GABRG3: variants seen among roughly 807,000 people sequenced by gnomAD.
The protein encoded by GABRG3 is gamma-aminobutyric acid type A receptor subunit gamma3.
GABRG3 carries 25 observed loss-of-function variants against 48.8 expected under a neutral mutation model. That is an observed-to-expected ratio of 0.51 (90% CI 0.37 to 0.72). The LOEUF (loss-of-function observed/expected upper bound fraction) is 0.72. GABRG3 is among the 30% of genes least tolerant of loss of function. The probability of loss-of-function intolerance (pLI) is 0.00; values close to 1 mark genes in which losing one functional copy is unlikely to be tolerated. For synonymous variants in GABRG3, 227 were observed against 217.6 expected, an observed-to-expected ratio of 1.04 and a Z score of -0.38; for missense variants, 394 against 577.9, an observed-to-expected ratio of 0.68 and a Z score of 3.26.
rs60880658 is a variant in GABRG3 at position 27,285,254 on chromosome 15, GGTGTGTGTGTGTGTGT to G, written c.271-41522_271-41507del. Among the ~76,000 whole-genome samples the G allele has an allele frequency of 4.0e-3, 568 of 142,556 alleles. 7 individuals are homozygous for G. The highest frequency in any genetic ancestry group is 0.017 in the East Asian group (75 of 4,496). 93.5% of individuals were successfully genotyped at this position (142,556 alleles called of 152,430 possible). On this transcript the variant is annotated intron_variant, in intron 3 of 9. Transcript: ENST00000615808. ...CCTAGATAAATTTGCTGAGCTTTCA[GGTGTGTGTGTGTGTGT>G]GTGTGTGTGTGTGTGTGTGTGTGTG...
chr15:27,443,550 TTAAG>T (rs1411031992), intron 5 of GABRG3, among the ~76,000 whole-genome samples: 1 of 152,230 alleles, frequency 6.6e-6, no homozygotes, highest in Non-Finnish European at 1.5e-5. Context: ...TCACATAAAT[TTAAG>T]TAACCTTTTA....
rs567480760 is a variant in GABRG3 at position 27,148,424 on chromosome 15, A to G, written c.270+121603A>G. On this transcript the variant is annotated intron_variant, in intron 3 of 9. Transcript: ENST00000615808. ...CTGGAGAATTTTACCAAACCTTTTA[A>G]CAAGGCTTAACACTATTCTTTGACA... Among the ~76,000 whole-genome samples the G allele has an allele frequency of 1.2e-3, 182 of 152,150 alleles. 1 individual carries two copies. The highest frequency in any genetic ancestry group is 3.4e-3 in the Middle Eastern group (1 of 294).
chr15:27,341,796 G>A (rs762795373), intron 5 of GABRG3, among the ~76,000 whole-genome samples: 10 of 152,192 alleles, frequency 6.6e-5, no homozygotes, highest in Non-Finnish European at 1.0e-4. Flanking sequence ...GCCATGGAGT[G>A]TGAGATGTAC....
intron 5 of GABRG3, among the ~76,000 whole-genome samples, chr15:27,471,904 C>G (rs1272924820): frequency 6.6e-6 from 1 of 152,178 alleles, no homozygotes; most frequent in East Asian, 1.9e-4. Flanking sequence ...GCTAGCCCCA[C>G]TCACTGTACT....
Position 27,461,574 on chromosome 15 carries a change from G to A in GABRG3, c.575-19076G>A, listed in dbSNP as rs562088356. On this transcript the variant is annotated intron_variant, in intron 5 of 9. Transcript: ENST00000615808. Reference sequence around the variant, plus strand: ...AGGACTCCAGGAGGTTGTCACTGCTGGCATGGGTGGCCAGCTTTTATTCCC... The same window carrying A: ...AGGACTCCAGGAGGTTGTCACTGCTAGCATGGGTGGCCAGCTTTTATTCCC... Among the ~76,000 whole-genome samples the A allele has an allele frequency of 7.2e-5, 11 of 152,300 alleles. No individual in the cohort carries two copies. The South Asian group carries it at 2.3e-3, about 32-fold the overall frequency.
chr15:27,356,929 T>G (rs1477535323), intron 5 of GABRG3, among the ~76,000 whole-genome samples: 1 of 152,208 alleles, frequency 6.6e-6, no homozygotes, highest in Non-Finnish European at 1.5e-5. Flanking sequence ...TTCACCACGT[T>G]AATTCTAGGT....
chr15:27,374,387 T>C (rs1235962049), intron 5 of GABRG3, among the ~76,000 whole-genome samples: 1 of 152,176 alleles, frequency 6.6e-6, no homozygotes, highest in Non-Finnish European at 1.5e-5. Flanking sequence ...TGCCTCAGCC[T>C]TCTAAAGTGC....
chr15:27,122,904 T>A (rs1195751722), intron 3 of GABRG3, among the ~76,000 whole-genome samples: 1 of 152,222 alleles, frequency 6.6e-6, no homozygotes, highest in African/African-American at 2.4e-5. Flanking sequence ...GTGTTTAGCA[T>A]GGAAAGCAAG....
At chr15:27,527,768 C>A in intron 8 of GABRG3, 139 bp downstream of exon 8, 1 of 1,026,452 alleles carries the variant, frequency 9.7e-7, no homozygotes, top group South Asian at 1.6e-5. Flanking sequence ...TTTTCAAAAC[C>A]AGACAGGGAT....
chr15:27,378,345 G>T (rs1895663806), intron 5 of GABRG3, among the ~76,000 whole-genome samples: 1 of 152,198 alleles, frequency 6.6e-6, no homozygotes, highest in Non-Finnish European at 1.5e-5. Context: ...CTGTGGGCTA[G>T]AGTAGGCCCA....
intron 3 of GABRG3, among the ~76,000 whole-genome samples, chr15:27,125,544 T>C (rs1897805379): frequency 6.6e-6 from 1 of 152,230 alleles, no homozygotes; most frequent in Admixed American, 6.5e-5. Flanking sequence ...TACCAGGATT[T>C]GATAATTACA....
chr15:27,357,331 G>A (rs1043941502), intron 5 of GABRG3, among the ~76,000 whole-genome samples: 16 of 152,128 alleles, frequency 1.1e-4, no homozygotes, highest in Admixed American at 1.3e-4. Context: ...GTAAATTGAC[G>A]TAGTATAAGA....
Position 27,227,400 on chromosome 15 carries a change from AG to A in GABRG3, c.271-99403del, listed in dbSNP as rs1566971979. On this transcript the variant is annotated intron_variant, in intron 3 of 9. Transcript: ENST00000615808. Reference sequence around the variant, plus strand: ...TAGTCCTTTGTTACTTGGGAGGCTGAGGGGGGAGGATCACCTGAGCCTTAGG... The same window carrying A: ...TAGTCCTTTGTTACTTGGGAGGCTGAGGGGGAGGATCACCTGAGCCTTAGG... Among the ~76,000 whole-genome samples the A allele has an allele frequency of 2.6e-5, 4 of 152,130 alleles. No homozygotes were observed. The South Asian group carries it at 8.3e-4, about 32-fold the overall frequency.
At chr15:26,979,846 T>C (rs932045367) in intron 2 of GABRG3, among the ~76,000 whole-genome samples, 1 of 152,222 alleles carries the variant, frequency 6.6e-6, no homozygotes, top group Non-Finnish European at 1.5e-5. Context: ...TTGGGTAATA[T>C]GAGCTTTATA....
intron 3 of GABRG3, among the ~76,000 whole-genome samples, chr15:27,129,818 ATGTGTTTATTGGCCAT>A (rs1405479389): frequency 1.3e-5 from 2 of 151,686 alleles, no homozygotes; most frequent in Non-Finnish European, 2.9e-5. Flanking sequence ...ACAACCTTAC[ATGTGTTTATTGGCCAT>A]TTCTATATCT....
intron 3 of GABRG3, 131 bp downstream of exon 3, chr15:27,026,952 T>A: frequency 1.9e-6 from 1 of 534,532 alleles, no homozygotes; most frequent in Non-Finnish European, 3.2e-6. Context: ...TCTGTAACAC[T>A]TATTGGAATA....
At chr15:27,055,960 C>G (rs1896537960) in intron 3 of GABRG3, among the ~76,000 whole-genome samples, 1 of 152,206 alleles carries the variant, frequency 6.6e-6, no homozygotes, top group African/African-American at 2.4e-5. Context: ...CAATGTGACA[C>G]TTTGATACAT....
intron 3 of GABRG3, among the ~76,000 whole-genome samples, chr15:27,289,951 T>C (rs896318913): frequency 1.3e-5 from 2 of 152,200 alleles, no homozygotes; most frequent in African/African-American, 4.8e-5. Flanking sequence ...TACCCAGATA[T>C]TGTTTTATAA....
intron 3 of GABRG3, among the ~76,000 whole-genome samples, chr15:27,235,193 C>T (rs1005819779): frequency 3.3e-5 from 5 of 152,194 alleles, no homozygotes; most frequent in Non-Finnish European, 5.9e-5. Context: ...ACTCTTTTCA[C>T]ATTTTTTGTA....
Sources: gnomAD v4.1 joint callset for allele counts (sites outside exome capture counted in the v4.1 genomes callset) on GRCh38, gnomAD v4.1.1 for gene constraint, MANE v1.5 for transcripts, NCBI Gene and HGNC (gene_info 2026-07-23, HGNC 2026-07-21) for gene names.